FGF12: variants seen among roughly 807,000 people sequenced by gnomAD.
FGF12 encodes fibroblast growth factor 12B.
FGF12 carries 14 observed loss-of-function variants against 23.6 expected under a neutral mutation model. The observed-to-expected ratio is 0.59, with a 90% CI of 0.39 to 0.93. The LOEUF is 0.93. FGF12 is among the 40% of genes least tolerant of loss of function. The probability of loss-of-function intolerance (pLI) is 0.00; values close to 1 mark genes in which losing one functional copy is unlikely to be tolerated. For synonymous variants in FGF12, 62 were observed against 77.3 expected (o/e 0.80, Z 1.04); for missense variants, 175 against 217.8 (o/e 0.80, Z 1.24).
chr3:192,692,375 A>G (rs1717970094), intron 2 of FGF12, among the ~76,000 whole-genome samples: 2 of 152,212 alleles, frequency 1.3e-5, no homozygotes, highest in South Asian at 4.1e-4. Flanking sequence ...AAATTAACCA[A>G]TGTGATACAC....
At chr3:192,627,883 G>C (rs1715232948) in intron 2 of FGF12, among the ~76,000 whole-genome samples, 1 of 125,578 alleles carries the variant, frequency 8.0e-6, no homozygotes, top group Admixed American at 7.5e-5. Context: ...TGTGTGTTTA[G>C]TTATATACAA....
chr3:192,693,810 A>G (rs907013517), intron 2 of FGF12, among the ~76,000 whole-genome samples: 1 of 152,180 alleles, frequency 6.6e-6, no homozygotes, highest in African/African-American at 2.4e-5. Context: ...TACATGTGAA[A>G]AAGACTTACT....
intron 2 of FGF12, among the ~76,000 whole-genome samples, chr3:192,679,011 G>A (rs1207940771): frequency 6.6e-6 from 1 of 152,172 alleles, no homozygotes; most frequent in Non-Finnish European, 1.5e-5. Context: ...TCCCTGGTGA[G>A]GTTAACAGTG....
At chr3:192,190,785 T>C (rs1172611004) in intron 4 of FGF12, among the ~76,000 whole-genome samples, 4 of 152,204 alleles carry the variant, frequency 2.6e-5, no homozygotes, top group Admixed American at 6.5e-5. Flanking sequence ...CCAATACTCT[T>C]TTTGAATTAT....
intron 3 of FGF12, among the ~76,000 whole-genome samples, chr3:192,338,415 C>G (rs542841269): frequency 6.8e-4 from 104 of 152,292 alleles, no homozygotes; most frequent in Non-Finnish European, 1.2e-3. Flanking sequence ...TCAGCTACAC[C>G]TTCTAACATA....
intron 2 of FGF12, among the ~76,000 whole-genome samples, chr3:192,394,979 G>A (rs926533083): frequency 2.2e-4 from 34 of 152,166 alleles, no homozygotes; most frequent in African/African-American, 8.0e-4. Context: ...TCCCTCAAGG[G>A]TATTTAACAC....
intron 2 of FGF12, among the ~76,000 whole-genome samples, chr3:192,473,393 G>T (rs1299258830): frequency 6.6e-6 from 1 of 152,122 alleles, no homozygotes; most frequent in Admixed American, 6.5e-5. Context: ...GGTTATTATG[G>T]GGTAACTAAA....
chr3:192,148,722 G>A (rs570678227), intron 5 of FGF12, among the ~76,000 whole-genome samples: 1 of 152,234 alleles, frequency 6.6e-6, no homozygotes, highest in African/African-American at 2.4e-5. Flanking sequence ...ATTTGCATAG[G>A]AAGAGCCAGC....
intron 2 of FGF12, among the ~76,000 whole-genome samples, chr3:192,598,028 A>G (rs1713938260): frequency 6.6e-6 from 1 of 152,236 alleles, no homozygotes; most frequent in Non-Finnish European, 1.5e-5. Flanking sequence ...TCCCTATTGT[A>G]AGAACACAGC....
At chr3:192,683,472 T>C (rs953483833) in intron 2 of FGF12, among the ~76,000 whole-genome samples, 11 of 152,156 alleles carry the variant, frequency 7.2e-5, no homozygotes, top group Non-Finnish European at 1.2e-4. Flanking sequence ...TAGCTACTGA[T>C]AGTGTTTTCA....
At chr3:192,193,040 A>G (rs1022296070) in intron 4 of FGF12, among the ~76,000 whole-genome samples, 1 of 152,194 alleles carries the variant, frequency 6.6e-6, no homozygotes, top group Admixed American at 6.5e-5. Flanking sequence ...ATAGAGCAGG[A>G]CAAGATTCGA....
At chr3:192,400,395 G>T (rs1208692745) in intron 2 of FGF12, among the ~76,000 whole-genome samples, 1 of 132,818 alleles carries the variant, frequency 7.5e-6, no homozygotes, top group African/African-American at 2.8e-5. Flanking sequence ...TTGAGACTGA[G>T]TCTCGCCATG....
chr3:192,720,302 G>A (rs1399354863), intron 2 of FGF12, among the ~76,000 whole-genome samples: 5 of 152,214 alleles, frequency 3.3e-5, no homozygotes, highest in South Asian at 2.1e-4. Context: ...CAGAGTATGC[G>A]CTAAAGAAAA....
Position 192,204,867 on chromosome 3 carries a change from C to T in FGF12, c.229-34211G>A, listed in dbSNP as rs564539804. ...CACCAAGACTGTACTCCAGCCTGGG[C>T]GATAGAGTGAGACTCCATCTCAAAA... On this transcript the variant is annotated intron_variant, in intron 4 of 5. Transcript: ENST00000445105. Among the ~76,000 whole-genome samples, 7 of 150,320 alleles carry T rather than the reference C, an allele frequency of 4.7e-5. No homozygotes were observed. In the East Asian group the frequency reaches 7.8e-4, roughly 17 times the overall value.
intron 2 of FGF12, among the ~76,000 whole-genome samples, chr3:192,424,894 A>T (rs988891312): frequency 1.3e-5 from 2 of 152,166 alleles, no homozygotes; most frequent in Non-Finnish European, 2.9e-5. Context: ...TTATAATTTT[A>T]TGCATATACA....
intron 4 of FGF12, chr3:192,244,717 G>C (rs1719794992): frequency 1.3e-5 from 2 of 152,138 alleles, no homozygotes; most frequent in African/African-American, 4.8e-5. Context: ...AAACCTGAAA[G>C]AAGATATGCA....
At chr3:192,521,344 T>G (rs1724807016) in intron 2 of FGF12, 1 of 152,214 alleles carries the variant, frequency 6.6e-6, no homozygotes, top group African/African-American at 2.4e-5. Context: ...CTAATAGCAC[T>G]GTAACAAGTT....
chr3:192,294,380 G>T (rs1714919322), intron 4 of FGF12, among the ~76,000 whole-genome samples: 1 of 151,866 alleles, frequency 6.6e-6, no homozygotes, highest in Admixed American at 6.6e-5. Flanking sequence ...TCTCCCAAAG[G>T]CCCCATTTCC....
chr3:192,491,939 A>G lies in FGF12; in HGVS notation c.14-131401T>C, dbSNP rs374734672. 7.9e-5 allele frequency among the ~76,000 whole-genome samples: 12 copies of G among 152,296 alleles called. 1 individual carries two copies. Among genetic ancestry groups the G allele is most frequent in the Admixed American group, 5.2e-4 (8 of 15,272 alleles). ...TGTGTCTCTCAAGCAACATGCATTA[A>G]GTTGAGCTCAAACACAATGGTAGGT... On this transcript the variant is annotated intron_variant, in intron 2 of 5. Transcript: ENST00000445105.
Sources: allele counts gnomAD v4.1 joint callset (sites outside exome capture counted in the v4.1 genomes callset), GRCh38; gene constraint gnomAD v4.1.1; transcripts MANE v1.5; gene names NCBI Gene and HGNC (gene_info 2026-07-23, HGNC 2026-07-21).